Variants in AFF1 observed in about 807,000 individuals in gnomAD.
The protein encoded by AFF1 is ALF transcription elongation factor 1.
In AFF1, 48 loss-of-function variants were observed where a neutral mutation model predicts 121.7. The observed-to-expected ratio is 0.39, with a 90% CI of 0.31 to 0.50. AFF1 has a LOEUF of 0.50. AFF1 is among the 20% of genes least tolerant of loss of function. The pLI is 0.76. For missense variants in AFF1, 1,523 were observed against 1,511.7 expected (o/e 1.01, Z -0.12); for synonymous variants, 613 against 563.0 (o/e 1.09, Z -1.26).
chr4:87,067,150 G>C (rs1220730732), intron 4 of AFF1, among the ~76,000 whole-genome samples: 1 of 152,168 alleles, frequency 6.6e-6, no homozygotes. Context: ...AACCTTAGTA[G>C]GATGGAAGAA....
intron 2 of AFF1, among the ~76,000 whole-genome samples, chr4:87,011,808 C>T (rs1726792591): frequency 6.6e-6 from 1 of 152,148 alleles, no homozygotes; most frequent in Non-Finnish European, 1.5e-5. Flanking sequence ...GAGCTGCTTC[C>T]ATGATAAAGA....
At chr4:87,123,184 G>A (rs13108043) in intron 12 of AFF1, among the ~76,000 whole-genome samples, 20,332 of 152,138 alleles carry the variant, frequency 0.13, 1,753 homozygotes, top group Middle Eastern at 0.19. Flanking sequence ...ATGAGCCACC[G>A]CGCCCAGCCT....
At chr4:87,031,823 C>A (rs1190330237) in intron 2 of AFF1, among the ~76,000 whole-genome samples, 4 of 152,248 alleles carry the variant, frequency 2.6e-5, no homozygotes, top group African/African-American at 7.2e-5. Context: ...AACTTTACAG[C>A]CTTATCAAGA....
intron 2 of AFF1, among the ~76,000 whole-genome samples, chr4:87,019,515 C>T (rs1333586516): frequency 2.0e-5 from 3 of 152,132 alleles, no homozygotes; most frequent in African/African-American, 7.2e-5. Context: ...AGATCATACC[C>T]TTTTTGTCCA....
At chr4:87,044,894 A>G (rs1048538876) in intron 2 of AFF1, among the ~76,000 whole-genome samples, 2 of 152,064 alleles carry the variant, frequency 1.3e-5, no homozygotes, top group African/African-American at 2.4e-5. Context: ...TCTGCGTCAG[A>G]TTATGGGGGA....
chr4:87,105,733 C>G (rs747911984), intron 9 of AFF1, 51 bp downstream of exon 9: 1 of 1,613,566 alleles, frequency 6.2e-7, no homozygotes, highest in Admixed American at 1.7e-5. Context: ...ATACATCTAA[C>G]AGATCTGAGC....
chr4:87,024,357 G>C (rs938977044), intron 2 of AFF1, among the ~76,000 whole-genome samples: 17 of 152,172 alleles, frequency 1.1e-4, no homozygotes, highest in African/African-American at 4.1e-4. Context: ...GGGAAACATG[G>C]TATGTGTAAA....
chr4:86,990,445 G>A (rs1396279341), intron 2 of AFF1, among the ~76,000 whole-genome samples: 3 of 152,020 alleles, frequency 2.0e-5, no homozygotes, highest in Non-Finnish European at 2.9e-5. Flanking sequence ...ATATCAAAGC[G>A]GTGTGAAGAA....
At position 87,108,209 on chromosome 4, in the gene AFF1, C is replaced by G; in HGVS notation, c.1427C>G (p.Ala476Gly). The G allele has an allele frequency of 6.2e-7, 1 of 1,614,122 alleles. No individual in the cohort carries two copies. Among genetic ancestry groups the G allele is most frequent in the Non-Finnish European group, 8.5e-7 (1 of 1,180,008 alleles). ...EPVASAHSSS[A>G]ESESTSDSDS... ...GTGGCATCAGCACATTCCAGCAGTG[C>G]AGAGTCAGAAAGCACCAGTGACTCA... is the stretch of plus-strand genomic sequence containing the variant. The change falls in exon 11 of 21, where the codon GCA becomes GGA. Residue 476 changes from alanine (A) to glycine (G), a missense_variant. Transcript: ENST00000395146.
intron 2 of AFF1, among the ~76,000 whole-genome samples, chr4:86,995,410 T>A (rs1725066171): frequency 6.7e-6 from 1 of 150,010 alleles, no homozygotes. Context: ...GCAACCTCCC[T>A]GCCTGATTCT....
chr4:87,114,633 G>GC lies in AFF1; in HGVS notation c.1805dup (p.Gln603ThrfsTer73). ...GTCAGAAGTCTCCGGCACAGCAGGA[G>GC]CCCCCACAAAGGCAAACCGTTGGAA... On this transcript the variant is annotated frameshift_variant, in exon 12 of 21. Transcript: ENST00000395146. LOFTEE classifies it high-confidence loss of function. The GC allele has an allele frequency of 6.2e-7, 1 of 1,610,584 alleles. No homozygotes were observed. Among genetic ancestry groups the GC allele is most frequent in the Non-Finnish European group, 8.5e-7 (1 of 1,179,448 alleles).
At chr4:86,943,555 T>A (rs1241488934) in intron 1 of AFF1, among the ~76,000 whole-genome samples, 2 of 152,188 alleles carry the variant, frequency 1.3e-5, no homozygotes, top group Non-Finnish European at 2.9e-5. Context: ...AGCTGCTTGC[T>A]CTGTTTGTCC....
At chr4:87,103,941 G>A in intron 8 of AFF1, among the ~76,000 whole-genome samples, 1 of 152,128 alleles carries the variant, frequency 6.6e-6, no homozygotes, top group Non-Finnish European at 1.5e-5. Context: ...TTTTTTTCTG[G>A]TTGTATTATA....
intron 2 of AFF1, among the ~76,000 whole-genome samples, chr4:86,982,702 T>C (rs1290193609): frequency 4.0e-5 from 6 of 151,230 alleles, no homozygotes; most frequent in Admixed American, 2.0e-4. Context: ...AAAAAAATTA[T>C]TCAGGCGTGG....
intron 12 of AFF1, among the ~76,000 whole-genome samples, chr4:87,115,712 G>A (rs1474074669): frequency 1.4e-5 from 2 of 145,344 alleles, no homozygotes; most frequent in Non-Finnish European, 3.0e-5. Flanking sequence ...GGGGTGAAAC[G>A]ATCCTCCTAC....
At chr4:86,995,577 G>C (rs1369424988) in intron 2 of AFF1, among the ~76,000 whole-genome samples, 19 of 152,154 alleles carry the variant, frequency 1.2e-4, no homozygotes, top group Non-Finnish European at 2.9e-5. Flanking sequence ...GCCTCCCGAG[G>C]TGCCGGGATT....
At position 87,094,924 on chromosome 4, in the gene AFF1, A is replaced by G. The variant is rs909580477; in HGVS notation, c.1238A>G (p.Asp413Gly). The G allele has an allele frequency of 7.4e-6, 12 of 1,613,684 alleles. No individual in the cohort carries two copies. The highest frequency in any genetic ancestry group is 1.0e-5 in the Non-Finnish European group (12 of 1,179,686). The change falls in exon 8 of 21, where the codon GAT (aspartate) becomes GGT (glycine). Residue 413 changes from aspartate to glycine, a missense_variant. Physicochemically the swap from Asp to Gly is moderately conservative, Grantham distance 94. Coordinates refer to ENST00000395146, the MANE Select transcript of AFF1 (RefSeq NM_001166693.3). Reference protein sequence around the residue: ...SSVTQNQKQYDTSSKTHSNSQ... With the variant: ...SSVTQNQKQYGTSSKTHSNSQ... ...TTTCTCTCCCCCACAGAACAATATG[A>G]TACATCTTCAAAAACTCACTCAAAT...
intron 2 of AFF1, among the ~76,000 whole-genome samples, chr4:86,997,284 C>T (rs1457473186): frequency 6.6e-6 from 1 of 152,172 alleles, no homozygotes; most frequent in Non-Finnish European, 1.5e-5. Context: ...CACCATGTCA[C>T]TTTGGGACTC....
At chr4:87,074,691 C>G (rs998591276) in intron 4 of AFF1, among the ~76,000 whole-genome samples, 5 of 152,278 alleles carry the variant, frequency 3.3e-5, no homozygotes, top group Middle Eastern at 3.4e-3. Flanking sequence ...TATAAAACAT[C>G]AACACTGAAT....
Sources: allele counts gnomAD v4.1 joint callset (sites outside exome capture counted in the v4.1 genomes callset), GRCh38; gene constraint gnomAD v4.1.1; transcripts MANE v1.5; gene names NCBI Gene and HGNC (gene_info 2026-07-23, HGNC 2026-07-21).